NUP205: variants seen among roughly 807,000 people sequenced by gnomAD.
NUP205 encodes the protein nucleoporin 205.
Under a neutral mutation model 253.8 loss-of-function variants are expected in NUP205, and 76 were observed. That is an observed-to-expected ratio of 0.30 (90% confidence interval 0.25 to 0.36). The LOEUF is 0.36. Among genes scored for constraint, NUP205 ranks in the 10% least tolerant of loss-of-function variants. The pLI, the probability that NUP205 is intolerant of heterozygous loss-of-function variation, is 1.00. For synonymous variants in NUP205, 832 were observed against 850.1 expected (o/e 0.98, Z 0.37); for missense variants, 2,162 against 2,425.5 (o/e 0.89, Z 2.28).
At chr7:135,584,732 G>C in intron 7 of NUP205, 100 bp from the exon 8 acceptor site, 1 of 1,019,350 alleles carries the variant, frequency 9.8e-7, no homozygotes. Flanking sequence ...CTAGAAGGCT[G>C]GGAAGATGTC....
In NUP205 at chr7:135,640,030, G is replaced by A. The variant is rs551118589; in HGVS notation, c.5392+1347G>A. ...CAATGAGAACACATGGACACAGGGAGGGGAACATCACACACCAGTGCCTGT... is the reference window on the plus strand; with the variant it reads ...CAATGAGAACACATGGACACAGGGAAGGGAACATCACACACCAGTGCCTGT... On this transcript the variant is annotated intron_variant, in intron 38 of 42. Coordinates refer to ENST00000285968, the MANE Select transcript of NUP205 (RefSeq NM_015135.3). Among the ~76,000 whole-genome samples, 23 of 152,302 alleles carry A rather than the reference G, an allele frequency of 1.5e-4. No homozygotes were observed. The East Asian group carries it at 3.9e-3, about 26-fold the overall frequency.
At chr7:135,589,309 G>A (rs1806560013) in intron 10 of NUP205, among the ~76,000 whole-genome samples, 5 of 149,362 alleles carry the variant, frequency 3.3e-5, no homozygotes, top group Admixed American at 3.3e-4. Flanking sequence ...TTTTGAGATG[G>A]AGTTTCGCTC....
intron 15 of NUP205, chr7:135,598,691 C>T (rs1793899878): frequency 6.3e-6 from 1 of 159,698 alleles, no homozygotes; most frequent in South Asian, 1.7e-4. Context: ...CTTTATGACA[C>T]ATTTGCTCTG....
intron 34 of NUP205, among the ~76,000 whole-genome samples, chr7:135,629,048 A>C (rs1008187600): frequency 7.9e-5 from 12 of 152,236 alleles, no homozygotes; most frequent in Admixed American, 7.9e-4. Context: ...TATTGACTGA[A>C]GCAGAATCAC....
chr7:135,601,572 G>T, intron 17 of NUP205, 65 bp downstream of exon 17: 4 of 1,520,242 alleles, frequency 2.6e-6, no homozygotes, highest in South Asian at 1.3e-5. Flanking sequence ...TGTAAACTGA[G>T]AATTTGAAAT....
intron 1 of NUP205, 105 bp downstream of exon 1, chr7:135,558,077 C>G: frequency 3.2e-6 from 3 of 951,652 alleles, no homozygotes; most frequent in Non-Finnish European, 5.2e-6. Flanking sequence ...CACTTATGTG[C>G]GGTGCCTGCT....
intron 16 of NUP205, 85 bp from the exon 17 acceptor site, chr7:135,601,285 A>G (rs1793959924): frequency 8.1e-7 from 1 of 1,231,846 alleles, no homozygotes. Flanking sequence ...CATCTAATTT[A>G]CAAGTCTCAT....
rs74594925 is a variant in NUP205, at chr7:135,616,070, G to A, written c.3460+5G>A. ...TGCCAGTGAAACCATACTCAGGTGA[G>A]TATTAGTATTTGTTTTATTGTGCTG... On this transcript the variant is annotated splice_donor_5th_base_variant and intron_variant, in intron 24 of 42. Transcript: ENST00000285968. 2.5e-6 allele frequency: 4 copies of A among 1,609,102 alleles called. No individual in the cohort carries two copies. The highest frequency in any genetic ancestry group is 3.4e-6 in the Non-Finnish European group (4 of 1,177,896).
chr7:135,627,668 C>G (rs1794620758), intron 33 of NUP205, among the ~76,000 whole-genome samples: 1 of 152,062 alleles, frequency 6.6e-6, no homozygotes, highest in South Asian at 2.1e-4. Context: ...CTATATGGCC[C>G]AAGGAAGCTT....
intron 1 of NUP205, among the ~76,000 whole-genome samples, chr7:135,569,000 G>C (rs989669670): frequency 6.6e-6 from 1 of 152,120 alleles, no homozygotes; most frequent in African/African-American, 2.4e-5. Context: ...TCCCCAACTG[G>C]TGAGCTGTAA....
chr7:135,586,340 C>T (rs1806464167), intron 8 of NUP205, among the ~76,000 whole-genome samples: 1 of 152,020 alleles, frequency 6.6e-6, no homozygotes, highest in Admixed American at 6.6e-5. Flanking sequence ...GTTAACCTTG[C>T]TTGAAGTTTA....
At chr7:135,608,380 A>G (rs4294134) in intron 22 of NUP205, among the ~76,000 whole-genome samples, 115,573 of 152,136 alleles carry the variant, frequency 0.76, 44,686 homozygotes, top group Middle Eastern at 0.93. Flanking sequence ...AACTATGTTA[A>G]GTGGTAGAAT....
chr7:135,613,428 A>G (rs1001286682), intron 22 of NUP205, among the ~76,000 whole-genome samples: 2 of 151,550 alleles, frequency 1.3e-5, no homozygotes, highest in Non-Finnish European at 2.9e-5. Context: ...TAATTTCTGC[A>G]TTTGCTTTAG....
chr7:135,584,513 A>G (rs1806403052), intron 7 of NUP205, among the ~76,000 whole-genome samples: 1 of 152,220 alleles, frequency 6.6e-6, no homozygotes, highest in Admixed American at 6.5e-5. Context: ...TCATTTTAAT[A>G]TGTGAATGTT....
At chr7:135,587,179 G>A (rs998376795) in intron 8 of NUP205, among the ~76,000 whole-genome samples, 1 of 152,044 alleles carries the variant, frequency 6.6e-6, no homozygotes, top group African/African-American at 2.4e-5. Context: ...GGAAATGAGT[G>A]GGGCCAGTTT....
At chr7:135,619,986 T>TGATTA in intron 30 of NUP205, 98 bp downstream of exon 30, 1 of 770,522 alleles carries the variant, frequency 1.3e-6, no homozygotes, top group South Asian at 1.7e-5. Flanking sequence ...TAATCACAAC[T>TGATTA]GTAAAAAATG....
chr7:135,626,399 G>C, intron 33 of NUP205, 38 bp downstream of exon 33: 1 of 1,585,472 alleles, frequency 6.3e-7, no homozygotes, highest in Non-Finnish European at 8.6e-7. Context: ...TAAACTCCCA[G>C]TAAAGGATTA....
intron 24 of NUP205, among the ~76,000 whole-genome samples, 157 bp downstream of exon 24, chr7:135,616,222 A>G (rs551527579): frequency 6.6e-6 from 1 of 152,146 alleles, no homozygotes; most frequent in South Asian, 2.1e-4. Flanking sequence ...AACTCATCTT[A>G]TGATTGTCAT....
intron 31 of NUP205, among the ~76,000 whole-genome samples, chr7:135,624,191 T>C (rs187657382): frequency 4.3e-4 from 65 of 152,128 alleles, no homozygotes; most frequent in Non-Finnish European, 7.5e-4. Context: ...TGTGTAGTTA[T>C]TACTTTTTTT....
Sources: gnomAD v4.1 joint callset for allele counts (sites outside exome capture counted in the v4.1 genomes callset) on GRCh38, gnomAD v4.1.1 for gene constraint, MANE v1.5 for transcripts, NCBI Gene and HGNC (gene_info 2026-07-23, HGNC 2026-07-21) for gene names.